Variants in SH3KBP1 observed in about 807,000 individuals in gnomAD.
SH3KBP1 encodes SH3 domain-containing kinase-binding protein 1.
A neutral mutation model predicts 50.1 loss-of-function variants in SH3KBP1; 8 were observed. The ratio of observed to expected loss-of-function variants is 0.16; its 90% confidence interval spans 0.09 to 0.29. The LOEUF is 0.29. SH3KBP1 is among the 10% of genes least tolerant of loss of function. SH3KBP1 has a pLI of 1.00. For synonymous variants in SH3KBP1, 227 were observed against 218.6 expected (o/e 1.04, Z -0.34); for missense variants, 377 against 535.2 (o/e 0.70, Z 2.92).
chrX:19,754,493 G>A (rs762321487), intron 2 of SH3KBP1, among the ~76,000 whole-genome samples: 1 of 112,036 alleles, frequency 8.9e-6, no homozygotes, highest in South Asian at 3.7e-4. Context: ...TACAGATGAA[G>A]TAGAGTATTT....
chrX:19,577,342 C>T (rs2066231328), intron 12 of SH3KBP1, among the ~76,000 whole-genome samples: 1 of 111,891 alleles, frequency 8.9e-6, no homozygotes, highest in African/African-American at 3.3e-5. Context: ...TCTGGTCTTC[C>T]AGGCTGGGGA....
intron 16 of SH3KBP1, among the ~76,000 whole-genome samples, chrX:19,538,926 G>C (rs867754859): frequency 8.9e-6 from 1 of 112,368 alleles, no homozygotes; most frequent in South Asian, 3.7e-4. Flanking sequence ...ATTGCTGAAA[G>C]GTTACTGGTA....
chrX:19,760,012 TCTCTCTCTCTCCTCTCTCTCTCTCTCTCC>T (rs1411503818), intron 2 of SH3KBP1, among the ~76,000 whole-genome samples: 6 of 99,979 alleles, frequency 6.0e-5, no homozygotes, highest in African/African-American at 2.5e-4. Flanking sequence ...AGTCTCGGTC[TCTCTCTCTCTCCTCTCTCTCTCTCTCTCC>T]CTCTCTCTCT....
intron 15 of SH3KBP1, among the ~76,000 whole-genome samples, chrX:19,545,469 TAA>T (rs1475405396): frequency 8.9e-6 from 1 of 112,645 alleles, no homozygotes; most frequent in Non-Finnish European, 1.9e-5. Flanking sequence ...CAATTTTCTT[TAA>T]GAGACCACAT....
At chrX:19,842,571 T>A (rs890845057) in intron 1 of SH3KBP1, among the ~76,000 whole-genome samples, 2 of 111,023 alleles carry the variant, frequency 1.8e-5, no homozygotes, top group African/African-American at 6.5e-5. Flanking sequence ...AATATATATT[T>A]AAGAATTTAT....
At chrX:19,590,676 C>G (rs1160908309) in intron 11 of SH3KBP1, among the ~76,000 whole-genome samples, 1 of 106,664 alleles carries the variant, frequency 9.4e-6, no homozygotes. Context: ...CAGGGTCTCA[C>G]TCTGTTGCTC....
At chrX:19,564,257 C>A (rs1172119879) in intron 13 of SH3KBP1, among the ~76,000 whole-genome samples, 1 of 112,002 alleles carries the variant, frequency 8.9e-6, no homozygotes, top group Non-Finnish European at 1.9e-5. Context: ...AATGTAATCA[C>A]TTGTTTGTAG....
At chrX:19,653,414 A>G (rs1291498562) in intron 6 of SH3KBP1, among the ~76,000 whole-genome samples, 1 of 111,516 alleles carries the variant, frequency 9.0e-6, no homozygotes, top group Admixed American at 9.5e-5. Flanking sequence ...ATGCACTCAG[A>G]ATATATAATG....
rs1167257832 is a variant in SH3KBP1, at chrX:19,724,434, C to T, written c.287-17450G>A. Among the ~76,000 whole-genome samples, 4 of 112,137 alleles carry T rather than the reference C, an allele frequency of 3.6e-5. No homozygotes were observed. In the East Asian group the frequency reaches 8.3e-4, roughly 23 times the overall value. The stretch of plus-strand genomic sequence containing the variant: ...TCTCTTTTTGCAAGACGAAACTTCC[C>T]GGCAGGCAGGAATTCGGTTTTTCTA... On this transcript the variant is annotated intron_variant, in intron 3 of 17. Coordinates refer to ENST00000397821, the MANE Select transcript of SH3KBP1 (RefSeq NM_031892.3).
In SH3KBP1 at chrX:19,534,344, G is replaced by A; in HGVS notation, c.*2073C>T. 1 of 110,717 alleles carries A rather than the reference G, an allele frequency of 9.0e-6. No individual in the cohort carries two copies. Among genetic ancestry groups the A allele is most frequent in the East Asian group, 2.8e-4 (1 of 3,549 alleles). 9.1% of individuals were successfully genotyped at this position (110,717 alleles called of 1,213,427 possible). On this transcript the variant is annotated 3_prime_UTR_variant, in exon 18 of 18. Coordinates refer to ENST00000397821, the MANE Select transcript of SH3KBP1 (RefSeq NM_031892.3). The stretch of plus-strand genomic sequence containing the variant: ...CAAAGGAAGCCAATGGCCTCTATGA[G>A]GGGGAAGACATCAGCTCTCTACATT...
chrX:19,599,775 G>T (rs1388056406), intron 9 of SH3KBP1, among the ~76,000 whole-genome samples: 2 of 111,497 alleles, frequency 1.8e-5, no homozygotes, highest in Non-Finnish European at 3.8e-5. Flanking sequence ...CAGGACCAGG[G>T]TTCTATGCGG....
chrX:19,784,617 T>C (rs892167876), intron 2 of SH3KBP1, among the ~76,000 whole-genome samples: 1 of 110,548 alleles, frequency 9.0e-6, no homozygotes, highest in Non-Finnish European at 1.9e-5. Context: ...TTTTATTTTA[T>C]TTTACTTTTT....
chrX:19,557,588 C>T (rs1048961795), intron 13 of SH3KBP1, among the ~76,000 whole-genome samples: 10 of 111,973 alleles, frequency 8.9e-5, no homozygotes, highest in African/African-American at 3.2e-4. Flanking sequence ...CTACAGAGTG[C>T]ATAGATTATG....
At position 19,600,948 on chromosome X, in the gene SH3KBP1, G is replaced by A. The variant is rs2088456222; in HGVS notation, c.1006-5948C>T. ...CCCAGAAAGGCTGTTTCAACAGCTA[G>A]TTGGTAGCCAGAGGGCCCAGAACTC... is the stretch of plus-strand genomic sequence containing the variant. On this transcript the variant is annotated intron_variant, in intron 9 of 17. Coordinates refer to ENST00000397821, the MANE Select transcript of SH3KBP1 (RefSeq NM_031892.3). Among the ~76,000 whole-genome samples, 3 of 111,935 alleles carry A rather than the reference G, an allele frequency of 2.7e-5. No individual in the cohort carries two copies. The Admixed American group carries it at 2.8e-4, about 11-fold the overall frequency.
chrX:19,756,575 G>C, intron 2 of SH3KBP1, among the ~76,000 whole-genome samples: 1 of 111,826 alleles, frequency 8.9e-6, no homozygotes. Flanking sequence ...AATTTGTACA[G>C]CCTCTGTGGG....
At chrX:19,574,996 A>G (rs1399597529) in intron 12 of SH3KBP1, among the ~76,000 whole-genome samples, 1 of 111,982 alleles carries the variant, frequency 8.9e-6, no homozygotes, top group Admixed American at 9.5e-5. Flanking sequence ...AACCTCTACA[A>G]CTGTGAGGAA....
chrX:19,677,621 G>GT (rs2062959298), intron 6 of SH3KBP1, among the ~76,000 whole-genome samples: 1 of 112,316 alleles, frequency 8.9e-6, no homozygotes, highest in African/African-American at 3.2e-5. Flanking sequence ...TCTCTCCACT[G>GT]TTTTCTAATC....
chrX:19,809,891 A>AAGC (rs2067159056), intron 2 of SH3KBP1, among the ~76,000 whole-genome samples: 1 of 112,238 alleles, frequency 8.9e-6, no homozygotes, highest in East Asian at 2.8e-4. Flanking sequence ...CTGTAAATGA[A>AAGC]AGCAGCAGCA....
rs776944499 is a variant in SH3KBP1 at position 19,869,600 on chromosome X, A to C, written c.4+17707T>G. 2.0e-4 allele frequency among the ~76,000 whole-genome samples: 23 copies of C among 112,502 alleles called. No homozygotes were observed. In the South Asian group the frequency reaches 8.5e-3, roughly 41 times the overall value. On this transcript the variant is annotated intron_variant, in intron 1 of 17. Transcript: ENST00000397821. ...CAGGAGGCAGTAGCCTGAGAAGGAAACAGCTATGCTGTCTTGGGGTCTCTG... is the reference window on the plus strand; with the variant it reads ...CAGGAGGCAGTAGCCTGAGAAGGAACCAGCTATGCTGTCTTGGGGTCTCTG...
Sources: gnomAD v4.1 joint callset for allele counts (sites outside exome capture counted in the v4.1 genomes callset) on GRCh38, gnomAD v4.1.1 for gene constraint, MANE v1.5 for transcripts, NCBI Gene and HGNC (gene_info 2026-07-23, HGNC 2026-07-21) for gene names.